COL19A1: variants seen among roughly 807,000 people sequenced by gnomAD.
COL19A1 encodes the protein collagen type XIX alpha 1 chain.
A neutral mutation model predicts 190.2 loss-of-function variants in COL19A1; 159 were observed. That is an observed-to-expected ratio of 0.84 (90% CI 0.73 to 0.95). COL19A1 has a LOEUF of 0.95. COL19A1 is among the 40% of genes least tolerant of loss of function. The pLI is 0.00. For synonymous variants in COL19A1, 509 were observed against 458.9 expected (o/e 1.11, Z -1.39); for missense variants, 1,418 against 1,431.9 (o/e 0.99, Z 0.16).
rs75758881 is a variant in COL19A1, at chr6:70,195,570, C to T, written c.3095-4038C>T. 7.4e-3 allele frequency among the ~76,000 whole-genome samples: 1,132 copies of T among 152,294 alleles called. 21 individuals are homozygous for T. The highest frequency in any genetic ancestry group is 0.026 in the African/African-American group (1,068 of 41,558). The stretch of plus-strand genomic sequence containing the variant: ...GGCTCCTCCATGCAGAGGCAGACTA[C>T]TTACCCTTTTAAGATAATAATAAAC... On this transcript the variant is annotated intron_variant, in intron 48 of 50. Transcript: ENST00000620364.
chr6:69,912,617 C>CT (rs1771021449), intron 4 of COL19A1, among the ~76,000 whole-genome samples: 1 of 152,182 alleles, frequency 6.6e-6, no homozygotes, highest in Non-Finnish European at 1.5e-5. Context: ...TACCCTGTGG[C>CT]TTATGACTGT....
At chr6:69,877,212 T>C (rs1334611715) in intron 1 of COL19A1, among the ~76,000 whole-genome samples, 2 of 152,230 alleles carry the variant, frequency 1.3e-5, no homozygotes, top group East Asian at 3.8e-4. Flanking sequence ...ATTTTAATAA[T>C]ACTGCAATTA....
At position 70,206,931 on chromosome 6, in the gene COL19A1, A is replaced by G; in HGVS notation, c.3254A>G (p.Glu1085Gly). ...GYRGQKGERG[E>G]PGIGLPGSPG... is the part of the protein sequence containing the mutation. The stretch of plus-strand genomic sequence containing the variant: ...AGAGGACAGAAGGGAGAAAGAGGTG[A>G]ACCTGGAATTGGGCTGCCAGGGAGT... The change falls in exon 50 of 51, where the codon GAA (glutamate) becomes GGA (glycine). Residue 1085 changes from glutamate (E) to glycine (G), a missense_variant. Physicochemically the swap from Glu to Gly is moderately conservative, Grantham distance 98. Transcript: ENST00000620364. 6.2e-7 allele frequency: 1 copy of G among 1,613,924 alleles called. No homozygotes were observed.
rs910730106 is a variant in COL19A1, at chr6:70,150,131, C to G, written c.2037+86C>G. The G allele has an allele frequency of 3.3e-4, 446 of 1,351,060 alleles. 3 individuals are homozygous for G. Among genetic ancestry groups the G allele is most frequent in the Non-Finnish European group, 6.4e-5 (60 of 943,984 alleles). The allele number at this position is 1,351,060 out of a possible 1,614,324, so 83.7% of individuals were successfully genotyped here. ...TACCAAGCAAGTTTTGCTGTCCAAA[C>G]TAATTAGAATGCTCGGTGACTGCTT... On this transcript the variant is annotated intron_variant, in intron 30 of 50. Transcript: ENST00000620364.
chr6:69,940,444 G>A (rs935056824), intron 9 of COL19A1, among the ~76,000 whole-genome samples: 5 of 151,678 alleles, frequency 3.3e-5, no homozygotes, highest in African/African-American at 1.2e-4. Context: ...TCCTTCTATA[G>A]AAACTAAAAC....
intron 41 of COL19A1, among the ~76,000 whole-genome samples, chr6:70,175,258 T>G (rs1765734734): frequency 1.3e-5 from 2 of 152,190 alleles, no homozygotes; most frequent in Non-Finnish European, 2.9e-5. Flanking sequence ...TTGCCTTTCA[T>G]TTTTACGTTT....
rs1766902676 is a variant in COL19A1, at chr6:70,191,992, G to A, written c.3094+1611G>A. 2.0e-5 allele frequency among the ~76,000 whole-genome samples: 3 copies of A among 152,160 alleles called. No individual in the cohort carries two copies. The East Asian group carries it at 5.8e-4, about 29-fold the overall frequency. On this transcript the variant is annotated intron_variant, in intron 48 of 50. Coordinates refer to ENST00000620364, the MANE Select transcript of COL19A1 (RefSeq NM_001858.6). ...TTATATGAGAACTAGAAATACAGTA[G>A]AGTAACACTGGGACTTGTAGCTACT... is the stretch of plus-strand genomic sequence containing the variant.
intron 2 of COL19A1, among the ~76,000 whole-genome samples, chr6:69,892,764 A>G (rs546725155): frequency 3.3e-5 from 5 of 152,216 alleles, no homozygotes; most frequent in Non-Finnish European, 7.4e-5. Context: ...AACTGTGTAG[A>G]CAAGGGTATG....
At chr6:70,163,431 G>A in intron 36 of COL19A1, 35 bp downstream of exon 36, 1 of 1,596,576 alleles carries the variant, frequency 6.3e-7, no homozygotes, top group Non-Finnish European at 8.6e-7. Flanking sequence ...CATCCAAACT[G>A]GGGCTTGGAG....
chr6:70,143,499 T>G (rs186208627), intron 23 of COL19A1, among the ~76,000 whole-genome samples: 31 of 152,262 alleles, frequency 2.0e-4, no homozygotes, highest in African/African-American at 7.2e-4. Context: ...GATCACTATC[T>G]GACTATGATT....
rs985534205 is a variant in COL19A1 at position 69,959,905 on chromosome 6, C to T, written c.937-91C>T. 1.4e-5 allele frequency: 16 copies of T among 1,141,540 alleles called. 1 individual carries two copies. The Admixed American group carries it at 2.3e-4, about 16-fold the overall frequency. The allele number at this position is 1,141,540 out of a possible 1,614,324, so 70.7% of individuals were successfully genotyped here. ...TTCAGTATTAGGCTACCTTTCCCCACAACACTAGAGCTATTTGTTAAAGAC... is the reference window on the plus strand; with the variant it reads ...TTCAGTATTAGGCTACCTTTCCCCATAACACTAGAGCTATTTGTTAAAGAC... On this transcript the variant is annotated intron_variant, in intron 9 of 50. Transcript: ENST00000620364.
chr6:70,140,331 T>A (rs1786165488), intron 19 of COL19A1, among the ~76,000 whole-genome samples: 2 of 152,120 alleles, frequency 1.3e-5, no homozygotes, highest in African/African-American at 4.8e-5. Context: ...TGTTATACTG[T>A]ATTATTTTTA....
Position 70,210,742 on chromosome 6 carries a change from G to C in COL19A1, c.*3468G>C, listed in dbSNP as rs1180699031. On this transcript the variant is annotated 3_prime_UTR_variant, in exon 51 of 51. Coordinates refer to ENST00000620364, the MANE Select transcript of COL19A1 (RefSeq NM_001858.6). ...TAACAGAAATACAAGGCTACGAACA[G>C]TTTAGTGGACAACTAAATCAGACTC... 6.6e-6 allele frequency among the ~76,000 whole-genome samples: 1 copy of C among 152,112 alleles called. No individual in the cohort carries two copies. Among genetic ancestry groups the C allele is most frequent in the Non-Finnish European group, 1.5e-5 (1 of 67,980 alleles).
chr6:70,056,559 A>G (rs1780515780), intron 14 of COL19A1, among the ~76,000 whole-genome samples: 1 of 152,130 alleles, frequency 6.6e-6, no homozygotes, highest in Non-Finnish European at 1.5e-5. Context: ...CTTATGATCT[A>G]TGAGAGCATC....
In COL19A1 at chr6:70,163,409, A is replaced by C. The variant is rs200859111; in HGVS notation, c.2400+13A>C. On this transcript the variant is annotated intron_variant, in intron 36 of 50. Transcript: ENST00000620364. ...AAAAGGTGAAAAGGTACAAAGGAAA[A>C]GCCTCACTTACCATCCAAACTGGGG... 2 of 1,608,764 alleles carry C rather than the reference A, an allele frequency of 1.2e-6. No individual in the cohort carries two copies. Among genetic ancestry groups the C allele is most frequent in the East Asian group, 4.5e-5 (2 of 44,174 alleles).
chr6:70,023,581 G>C (rs762373045), intron 11 of COL19A1, 46 bp from the exon 12 acceptor site: 2 of 1,513,524 alleles, frequency 1.3e-6, no homozygotes, highest in Non-Finnish European at 1.8e-6. Context: ...GCTAGCAAAG[G>C]TTTTCAGATA....
intron 7 of COL19A1, 117 bp from the exon 8 acceptor site, chr6:69,936,668 T>C: frequency 4.5e-6 from 6 of 1,333,946 alleles, no homozygotes; most frequent in Non-Finnish European, 6.2e-6. Context: ...TTTTGGTTAG[T>C]AAGAAGCAGT....
chr6:69,877,456 C>T (rs995125778), intron 1 of COL19A1, among the ~76,000 whole-genome samples: 3 of 151,932 alleles, frequency 2.0e-5, no homozygotes, highest in East Asian at 1.9e-4. Context: ...GTGAGGTAGG[C>T]GTTGCACGTA....
At chr6:70,193,258 C>T (rs923891024) in intron 48 of COL19A1, among the ~76,000 whole-genome samples, 1 of 152,212 alleles carries the variant, frequency 6.6e-6, no homozygotes, top group African/African-American at 2.4e-5. Flanking sequence ...CTGCCCACTC[C>T]CAGGCCATTC....
Sources: gnomAD v4.1 joint callset for allele counts (sites outside exome capture counted in the v4.1 genomes callset) on GRCh38, gnomAD v4.1.1 for gene constraint, MANE v1.5 for transcripts, NCBI Gene and HGNC (gene_info 2026-07-23, HGNC 2026-07-21) for gene names.